ARHGAP15: variants seen among roughly 807,000 people sequenced by gnomAD.
ARHGAP15 encodes Rho GTPase activating protein 15.
ARHGAP15 carries 51 observed loss-of-function variants against 63.7 expected under a neutral mutation model. The ratio of observed to expected loss-of-function variants is 0.80; its 90% CI spans 0.64 to 1.01. The LOEUF (loss-of-function observed/expected upper bound fraction) is 1.01. Among genes scored for constraint, ARHGAP15 ranks in the 50% least tolerant of loss-of-function variants. ARHGAP15 has a pLI of 0.00. For missense variants in ARHGAP15, 560 were observed against 564.6 expected (o/e 0.99, Z 0.08); for synonymous variants, 191 against 193.8 (o/e 0.99, Z 0.12).
chr2:143,767,427 A>ATT (rs2072956108), intron 13 of ARHGAP15, among the ~76,000 whole-genome samples: 1 of 152,200 alleles, frequency 6.6e-6, no homozygotes, highest in Non-Finnish European at 1.5e-5. Flanking sequence ...ATTAAGCTAA[A>ATT]TTGGCTGTCC....
chr2:143,461,730 A>G (rs1217858039), intron 8 of ARHGAP15, among the ~76,000 whole-genome samples: 1 of 152,172 alleles, frequency 6.6e-6, no homozygotes, highest in African/African-American at 2.4e-5. Context: ...GAAAAATTCA[A>G]TTATTTGCCA....
intron 8 of ARHGAP15, among the ~76,000 whole-genome samples, chr2:143,438,850 A>G (rs2105098309): frequency 6.6e-6 from 1 of 152,280 alleles, no homozygotes; most frequent in South Asian, 2.1e-4. Context: ...TATGTGATGC[A>G]ATGACTAGTA....
At chr2:143,140,895 T>A (rs1558770161) in intron 1 of ARHGAP15, among the ~76,000 whole-genome samples, 1 of 152,178 alleles carries the variant, frequency 6.6e-6, no homozygotes, top group Non-Finnish European at 1.5e-5. Context: ...GAAAGCTTGC[T>A]GTATCCTATG....
intron 5 of ARHGAP15, among the ~76,000 whole-genome samples, chr2:143,231,190 A>T (rs1267127756): frequency 6.6e-6 from 1 of 151,712 alleles, no homozygotes; most frequent in Non-Finnish European, 1.5e-5. Context: ...GTAAGGAATG[A>T]AATTAATTGG....
chr2:143,310,373 A>G (rs374454647), intron 6 of ARHGAP15, among the ~76,000 whole-genome samples: 5 of 152,058 alleles, frequency 3.3e-5, no homozygotes, highest in South Asian at 2.1e-4. Flanking sequence ...TATCATGAAG[A>G]TTAGAAATCA....
chr2:143,153,833 CT>C (rs1558779433), intron 1 of ARHGAP15, among the ~76,000 whole-genome samples: 2,614 of 90,378 alleles, frequency 0.029, 150 homozygotes, highest in Non-Finnish European at 0.037. Flanking sequence ...TCTTCTTCTT[CT>C]TCTTCTTCTT....
chr2:143,622,959 G>C (rs1408754081), intron 11 of ARHGAP15, among the ~76,000 whole-genome samples: 1 of 152,102 alleles, frequency 6.6e-6, no homozygotes, highest in African/African-American at 2.4e-5. Context: ...TGACATCCAA[G>C]GGACATGTGA....
At chr2:143,360,219 T>TA (rs34612735) in intron 6 of ARHGAP15, among the ~76,000 whole-genome samples, 3,169 of 137,908 alleles carry the variant, frequency 0.023, 96 homozygotes, top group African/African-American at 0.075. Context: ...TACAAGGAAT[T>TA]AAAAAAAAAA....
chr2:143,747,585 C>T (rs1371901266), intron 13 of ARHGAP15, among the ~76,000 whole-genome samples: 1 of 152,178 alleles, frequency 6.6e-6, no homozygotes, highest in East Asian at 1.9e-4. Context: ...TTTTCTGTCT[C>T]CAAAGTTTTG....
At chr2:143,593,825 A>G (rs1172351769) in intron 11 of ARHGAP15, among the ~76,000 whole-genome samples, 2 of 152,234 alleles carry the variant, frequency 1.3e-5, no homozygotes, top group African/African-American at 2.4e-5. Flanking sequence ...TAAACCAACA[A>G]TAAAGTAATA....
intron 2 of ARHGAP15, among the ~76,000 whole-genome samples, chr2:143,172,483 C>T (rs528275849): frequency 1.3e-5 from 2 of 152,090 alleles, no homozygotes; most frequent in Non-Finnish European, 2.9e-5. Context: ...TATTAAGGAG[C>T]CTGTCCATCC....
At chr2:143,488,839 A>G (rs1037208682) in intron 9 of ARHGAP15, among the ~76,000 whole-genome samples, 2 of 152,222 alleles carry the variant, frequency 1.3e-5, no homozygotes, top group African/African-American at 4.8e-5. Context: ...ATAGAATAGA[A>G]AATTCTTAGG....
intron 2 of ARHGAP15, among the ~76,000 whole-genome samples, chr2:143,162,736 C>G (rs1235078402): frequency 6.6e-6 from 1 of 152,012 alleles, no homozygotes; most frequent in African/African-American, 2.4e-5. Flanking sequence ...CTTAAAATAA[C>G]TTTGGAACCA....
At chr2:143,684,065 GCA>G (rs939345510) in intron 12 of ARHGAP15, among the ~76,000 whole-genome samples, 37 of 134,448 alleles carry the variant, frequency 2.8e-4, no homozygotes, top group Admixed American at 1.2e-3. Context: ...ACACTTTTTT[GCA>G]CACATTTATC....
intron 2 of ARHGAP15, among the ~76,000 whole-genome samples, chr2:143,183,992 C>T (rs937935254): frequency 7.9e-5 from 12 of 152,126 alleles, no homozygotes; most frequent in African/African-American, 2.9e-4. Context: ...GCAGTTGACT[C>T]AACTAGGGAG....
intron 6 of ARHGAP15, among the ~76,000 whole-genome samples, chr2:143,290,388 T>C (rs1682330129): frequency 6.7e-6 from 1 of 149,444 alleles, no homozygotes; most frequent in South Asian, 2.1e-4. Flanking sequence ...TAGGAAATGA[T>C]GGCAACAAGC....
chr2:143,511,436 C>A (rs1337511512), intron 9 of ARHGAP15, among the ~76,000 whole-genome samples: 2 of 152,164 alleles, frequency 1.3e-5, no homozygotes, highest in Non-Finnish European at 2.9e-5. Flanking sequence ...ATTGGCACCC[C>A]TAGCAAGAGG....
At chr2:143,261,685 T>G (rs1680733216) in intron 6 of ARHGAP15, among the ~76,000 whole-genome samples, 1 of 152,114 alleles carries the variant, frequency 6.6e-6, no homozygotes, top group Non-Finnish European at 1.5e-5. Flanking sequence ...TTCAAATCTT[T>G]TTAAGCAAAT....
At chr2:143,477,864 A>T (rs1691897487) in intron 8 of ARHGAP15, among the ~76,000 whole-genome samples, 1 of 152,226 alleles carries the variant, frequency 6.6e-6, no homozygotes, top group Non-Finnish European at 1.5e-5. Flanking sequence ...CAAGCCTCTG[A>T]GCTCTGGGGT....
Sources: allele counts gnomAD v4.1 joint callset (sites outside exome capture counted in the v4.1 genomes callset), GRCh38; gene constraint gnomAD v4.1.1; transcripts MANE v1.5; gene names NCBI Gene and HGNC (gene_info 2026-07-23, HGNC 2026-07-21).